ERG: variants seen among roughly 807,000 people sequenced by gnomAD.
ERG encodes the protein ETS transcription factor ERG.
Under a neutral mutation model 55.3 loss-of-function variants are expected in ERG, and 9 were observed. That is an observed-to-expected ratio of 0.16 (90% CI 0.10 to 0.28). The LOEUF (loss-of-function observed/expected upper bound fraction) is 0.28. ERG is among the 10% of genes least tolerant of loss of function. The pLI is 1.00. For synonymous variants in ERG, 223 were observed against 237.3 expected (o/e 0.94, Z 0.55); for missense variants, 434 against 631.6 (o/e 0.69, Z 3.35).
At position 38,472,792 on chromosome 21, in the gene ERG, G is replaced by T. The variant is rs144387502; in HGVS notation, c.18+25571C>A. Among the ~76,000 whole-genome samples, 38 of 152,360 alleles carry T rather than the reference G, an allele frequency of 2.5e-4. No homozygotes were observed. The East Asian group carries it at 6.4e-3, about 26-fold the overall frequency. On this transcript the variant is annotated intron_variant, in intron 1 of 9. Transcript: ENST00000288319. ...TTCCATGACGCTCAAAGCAGAAAAT[G>T]GCTGCACGTGGGCAATTCGTGCGCT...
In ERG at chr21:38,504,195, T is replaced by C. The variant is rs1049907104; in HGVS notation, c.-41+71467A>G. Among the ~76,000 whole-genome samples, 3 of 152,242 alleles carry C rather than the reference T, an allele frequency of 2.0e-5. No homozygotes were observed. The East Asian group carries it at 5.8e-4, about 29-fold the overall frequency. ...CTAATAGAAACCAAGGAAACTGTTA[T>C]CACATACCAAATCCTCAACTTCTCA... On this transcript the variant is annotated intron_variant, in intron 2 of 8. Transcript: ENST00000398897.
rs576741068 is a variant in ERG, at chr21:38,393,999, A to G, written c.746-1555T>C. ...CCTAACAATTTACAACTGAACTTCA[A>G]CTTAAGTCTCTGGGAACACTCTGCA... On this transcript the variant is annotated intron_variant, in intron 6 of 9. Coordinates refer to ENST00000288319, the MANE Select transcript of ERG (RefSeq NM_182918.4). 2.6e-5 allele frequency among the ~76,000 whole-genome samples: 4 copies of G among 152,282 alleles called. No individual in the cohort carries two copies. In the South Asian group the frequency reaches 6.2e-4, roughly 24 times the overall value.
upstream of ERG, among the ~76,000 whole-genome samples, chr21:38,499,421 T>G (rs2059404578): frequency 6.6e-6 from 1 of 152,182 alleles, no homozygotes; most frequent in African/African-American, 2.4e-5. Flanking sequence ...AGGACTTTAA[T>G]TACTCATTTT....
chr21:38,561,832 G>C (rs1800483126), intron 2 of ERG, among the ~76,000 whole-genome samples: 1 of 152,120 alleles, frequency 6.6e-6, no homozygotes, highest in Admixed American at 6.6e-5. Flanking sequence ...AAACAAACAA[G>C]ACTTTCCAGA....
At chr21:38,646,951 G>A (rs927243467) in intron 1 of ERG, among the ~76,000 whole-genome samples, 4 of 152,154 alleles carry the variant, frequency 2.6e-5, no homozygotes, top group African/African-American at 4.8e-5. Context: ...AGTTCATAAA[G>A]GCAGCCTCTC....
At chr21:38,617,250 A>C (rs1472916617) in intron 1 of ERG, among the ~76,000 whole-genome samples, 1 of 152,192 alleles carries the variant, frequency 6.6e-6, no homozygotes, top group African/African-American at 2.4e-5. Context: ...TTAATGAAAA[A>C]ATCCTTCTGG....
intron 2 of ERG, among the ~76,000 whole-genome samples, chr21:38,534,180 A>C (rs184307208): frequency 6.6e-6 from 1 of 152,174 alleles, no homozygotes; most frequent in Non-Finnish European, 1.5e-5. Flanking sequence ...TCTGAGCTTC[A>C]TTCTCAGCAT....
upstream of ERG, among the ~76,000 whole-genome samples, chr21:38,588,077 A>G (rs2060077224): frequency 6.6e-6 from 1 of 152,252 alleles, no homozygotes; most frequent in South Asian, 2.1e-4. Context: ...ATCCAAAAAG[A>G]TGTCACGAAG....
chr21:38,429,502 T>C lies in ERG; in HGVS notation c.237-5941A>G, dbSNP rs868142664. Among the ~76,000 whole-genome samples the C allele has an allele frequency of 3.5e-3, 378 of 107,266 alleles. 151 individuals are homozygous for C. Among genetic ancestry groups the C allele is most frequent in the Middle Eastern group, 0.011 (2 of 184 alleles). The allele number at this position is 107,266 out of a possible 152,430, so 70.4% of individuals were successfully genotyped here. A position where few individuals can be genotyped will look rare whatever the true frequency, so the allele number is the denominator to read the frequency against. ...ATACATGTATGCACATGTACATATA[T>C]ACATATGTGTATATACATGTATGCA... On this transcript the variant is annotated intron_variant, in intron 2 of 9. Coordinates refer to ENST00000288319, the MANE Select transcript of ERG (RefSeq NM_182918.4).
At chr21:38,394,573 C>T (rs902699044) in intron 6 of ERG, among the ~76,000 whole-genome samples, 102 of 152,102 alleles carry the variant, frequency 6.7e-4, no homozygotes, top group African/African-American at 2.3e-3. Flanking sequence ...AGGATGGTCT[C>T]GCTCTCCTGA....
chr21:38,502,813 G>A (rs1051360005), upstream of ERG, among the ~76,000 whole-genome samples: 13 of 146,728 alleles, frequency 8.9e-5, 1 homozygote, highest in South Asian at 2.4e-3. Context: ...TGCAAGCTCC[G>A]CCTCCTGGGC....
At chr21:38,475,167 A>AT in intron 1 of ERG, among the ~76,000 whole-genome samples, 1 of 152,336 alleles carries the variant, frequency 6.6e-6, no homozygotes, top group East Asian at 1.9e-4. Flanking sequence ...GACTGCAAAA[A>AT]TAAGTCAACA....
chr21:38,392,230 G>C, intron 7 of ERG, 146 bp downstream of exon 7: 1 of 747,410 alleles, frequency 1.3e-6, no homozygotes, highest in Non-Finnish European at 2.4e-6. Flanking sequence ...TGCAGTGAAA[G>C]ATCAATTGTA....
intron 2 of ERG, among the ~76,000 whole-genome samples, chr21:38,510,143 G>A (rs190025031): frequency 1.3e-5 from 2 of 152,292 alleles, no homozygotes; most frequent in African/African-American, 4.8e-5. Flanking sequence ...TCCTGAGTGG[G>A]ATTCTCCCCA....
intron 1 of ERG, among the ~76,000 whole-genome samples, chr21:38,483,043 T>G: frequency 6.6e-6 from 1 of 152,322 alleles, no homozygotes; most frequent in East Asian, 1.9e-4. Context: ...GACGTTATGC[T>G]AAGTGAAATA....
chr21:38,475,864 C>T (rs1457815348), intron 1 of ERG, among the ~76,000 whole-genome samples: 1 of 152,150 alleles, frequency 6.6e-6, no homozygotes, highest in African/African-American at 2.4e-5. Context: ...AGTGGGTGCC[C>T]AGTAAATCCT....
chr21:38,401,901 A>C lies in ERG; in HGVS notation c.673+656T>G, dbSNP rs544902534. ...ACCCTACTTAGGCTCAGGCAAAATA[A>C]ATACATAACTAAGTCAAATGTAGAG... On this transcript the variant is annotated intron_variant, in intron 5 of 9. Coordinates refer to ENST00000288319, the MANE Select transcript of ERG (RefSeq NM_182918.4). Among the ~76,000 whole-genome samples, 12 of 152,342 alleles carry C rather than the reference A, an allele frequency of 7.9e-5. No individual in the cohort carries two copies. The East Asian group carries it at 1.9e-3, about 24-fold the overall frequency.
chr21:38,518,744 C>A (rs1171149458), intron 2 of ERG, among the ~76,000 whole-genome samples: 4 of 151,766 alleles, frequency 2.6e-5, no homozygotes, highest in African/African-American at 7.3e-5. Flanking sequence ...AAACAAGGCA[C>A]AGAAACACTA....
chr21:38,410,438 T>C (rs1380074101), intron 3 of ERG, among the ~76,000 whole-genome samples: 1 of 152,276 alleles, frequency 6.6e-6, no homozygotes, highest in Non-Finnish European at 1.5e-5. Context: ...CTCTTATTTG[T>C]ATCTTAAGTT....
Sources: allele counts gnomAD v4.1 joint callset (sites outside exome capture counted in the v4.1 genomes callset), GRCh38; gene constraint gnomAD v4.1.1; transcripts MANE v1.5; gene names NCBI Gene and HGNC (gene_info 2026-07-23, HGNC 2026-07-21).